Variants in PRKAG2 observed in about 807,000 individuals in gnomAD.
The protein encoded by PRKAG2 is 5'-AMP-activated protein kinase subunit gamma-2.
In PRKAG2, 26 loss-of-function variants were observed where a neutral mutation model predicts 69.6. That is an observed-to-expected ratio of 0.37 (90% CI 0.27 to 0.52). The LOEUF (loss-of-function observed/expected upper bound fraction) is 0.52, where lower values mean the gene tolerates loss of function less well. Ranked by LOEUF, PRKAG2 falls within the 20% of genes least tolerant of loss-of-function variation. The pLI, the probability that PRKAG2 is intolerant of heterozygous loss-of-function variation, is 0.90. For synonymous variants in PRKAG2, 293 were observed against 285.0 expected, an observed-to-expected ratio of 1.03 and a Z score of -0.28; for missense variants, 557 against 740.0, an observed-to-expected ratio of 0.75 and a Z score of 2.87.
At chr7:151,824,391 CAAG>C (rs2078860041) in intron 1 of PRKAG2, among the ~76,000 whole-genome samples, 1 of 152,150 alleles carries the variant, frequency 6.6e-6, no homozygotes, top group Non-Finnish European at 1.5e-5. Context: ...GTGTTAACAT[CAAG>C]GTTTGTGGAA....
chr7:151,658,955 G>A (rs1247653488), intron 4 of PRKAG2, among the ~76,000 whole-genome samples: 1 of 152,216 alleles, frequency 6.6e-6, no homozygotes, highest in Non-Finnish European at 1.5e-5. Flanking sequence ...GGAAGGGAAT[G>A]CAATATAATG....
At chr7:151,843,699 T>C (rs552216167) in intron 1 of PRKAG2, among the ~76,000 whole-genome samples, 23 of 152,378 alleles carry the variant, frequency 1.5e-4, no homozygotes, top group Middle Eastern at 3.4e-3. Context: ...AGGCTGGAAC[T>C]TGAGACCACT....
intron 5 of PRKAG2, among the ~76,000 whole-genome samples, chr7:151,598,279 G>A (rs1815119182): frequency 6.6e-6 from 1 of 152,254 alleles, no homozygotes; most frequent in South Asian, 2.1e-4. Context: ...AAAGTAGAGA[G>A]TGGTTACCAG....
chr7:151,570,179 T>C lies in PRKAG2; in HGVS notation c.1098A>G (p.Pro366=), dbSNP rs116541276. ...AAAAAAAACAAGTTTACCTTGCATC[T>C]GGAGATATATTCACTAAAGGCTTAA... ...ETFKPLVNIS[P]DASLFDAVYS... The change falls in exon 10 of 16, where the codon CCA becomes CCG. Residue 366 remains proline (P), a synonymous_variant. Coordinates refer to ENST00000287878, the MANE Select transcript of PRKAG2 (RefSeq NM_016203.4). 3.0e-4 allele frequency: 479 copies of C among 1,600,920 alleles called. 2 individuals carry two copies. In the African/African-American group the frequency reaches 5.9e-3, roughly 20 times the overall value.
At chr7:151,808,584 C>A (rs980902649) in intron 1 of PRKAG2, among the ~76,000 whole-genome samples, 9 of 140,460 alleles carry the variant, frequency 6.4e-5, no homozygotes, top group Admixed American at 1.5e-4. Context: ...GAGTCTAGTG[C>A]AGGTTGTTGG....
In PRKAG2 at chr7:151,579,778, A is replaced by G. The variant is rs114650542; in HGVS notation, c.865-3326T>C. On this transcript the variant is annotated intron_variant, in intron 6 of 15. Coordinates refer to ENST00000287878, the MANE Select transcript of PRKAG2 (RefSeq NM_016203.4). ...AAGCACGTCATAGACAAGATGCTAA[A>G]AACCAAAGGTAAAGGGAAAATCAGC... is the stretch of plus-strand genomic sequence containing the variant. 4.5e-3 allele frequency among the ~76,000 whole-genome samples: 691 copies of G among 152,320 alleles called. 2 individuals carry two copies. Among genetic ancestry groups the G allele is most frequent in the African/African-American group, 0.016 (663 of 41,568 alleles).
rs1171355040 is a variant in PRKAG2 at position 151,559,457 on chromosome 7, A to G, written c.1678+1067T>C. 3 of 985,276 alleles carry G rather than the reference A, an allele frequency of 3.0e-6. No homozygotes were observed. In the South Asian group the frequency reaches 1.4e-4, roughly 46 times the overall value. 61.0% of individuals were successfully genotyped at this position (985,276 alleles called of 1,614,324 possible). ...TTCTAGAGTTTCTGATTCAGTGGAT[A>G]TGGGACGGGGCCCCAACATGAACAT... On this transcript the variant is annotated intron_variant, in intron 15 of 15. Coordinates refer to ENST00000287878, the MANE Select transcript of PRKAG2 (RefSeq NM_016203.4).
At chr7:151,785,163 G>GA in intron 2 of PRKAG2, among the ~76,000 whole-genome samples, 1 of 152,390 alleles carries the variant, frequency 6.6e-6, no homozygotes, top group Non-Finnish European at 1.5e-5. Flanking sequence ...GCCGTCTGCG[G>GA]AGCAGAGCTC....
At position 151,777,519 on chromosome 7, in the gene PRKAG2, T is replaced by TC. The variant is rs966627582; in HGVS notation, c.466+3632dup. Among the ~76,000 whole-genome samples the TC allele has an allele frequency of 6.6e-6, 1 of 152,102 alleles. No individual in the cohort carries two copies. The highest frequency in any genetic ancestry group is 2.4e-5 in the African/African-American group (1 of 41,420). ...TGGGTGCTTTAAAGACTCCAGTACC[T>TC]CCCCCCTCTCTCTTGCTCCCTTGCG... On this transcript the variant is annotated intron_variant, in intron 3 of 15. Coordinates refer to ENST00000287878, the MANE Select transcript of PRKAG2 (RefSeq NM_016203.4). This position sits in a 1 kb window ranked among gnomAD's most constrained non-coding sequence, Gnocchi z 4.3.
chr7:151,653,213 G>A (rs1264070168), intron 4 of PRKAG2, among the ~76,000 whole-genome samples: 1 of 151,790 alleles, frequency 6.6e-6, no homozygotes, highest in East Asian at 1.9e-4. Flanking sequence ...CACATCATTA[G>A]TAGTGTTTTC....
rs1241546808 is a variant in PRKAG2, at chr7:151,759,932, A to G, written c.466+21220T>C. Among the ~76,000 whole-genome samples the G allele has an allele frequency of 2.6e-5, 4 of 152,256 alleles. No homozygotes were observed. In the East Asian group the frequency reaches 7.7e-4, roughly 29 times the overall value. ...TTGTCTTGAATGAGGGAGAGATTTA[A>G]CATCGACATTCTTCCTTCTAGTACG... On this transcript the variant is annotated intron_variant, in intron 3 of 15. Coordinates refer to ENST00000287878, the MANE Select transcript of PRKAG2 (RefSeq NM_016203.4).
At chr7:151,832,900 C>T (rs116197478) in intron 1 of PRKAG2, among the ~76,000 whole-genome samples, 2,957 of 152,268 alleles carry the variant, frequency 0.019, 121 homozygotes, top group African/African-American at 0.067. Flanking sequence ...TTGCAGGACC[C>T]GCTCCGGACT....
chr7:151,563,798 C>T (rs929112353), intron 14 of PRKAG2, among the ~76,000 whole-genome samples: 3 of 152,206 alleles, frequency 2.0e-5, no homozygotes, highest in African/African-American at 7.2e-5. Flanking sequence ...TCCACACTGT[C>T]AAACATATAT....
chr7:151,653,625 T>G (rs986252584), intron 4 of PRKAG2, among the ~76,000 whole-genome samples: 3 of 152,154 alleles, frequency 2.0e-5, no homozygotes, highest in African/African-American at 7.2e-5. Context: ...GCCGATCACC[T>G]GAGGTTAGGG....
chr7:151,773,486 A>T lies in PRKAG2; in HGVS notation c.466+7666T>A, dbSNP rs74671963. On this transcript the variant is annotated intron_variant, in intron 3 of 15. Transcript: ENST00000287878. ...TGTGTGGCCTTTGTTCCACAACTTAAGCCCTCGTGCCTCAGTTTCTAGTTT... is the reference window on the plus strand; with the variant it reads ...TGTGTGGCCTTTGTTCCACAACTTATGCCCTCGTGCCTCAGTTTCTAGTTT... Among the ~76,000 whole-genome samples the T allele has an allele frequency of 6.0e-3, 912 of 152,326 alleles. 9 individuals carry two copies. Among genetic ancestry groups the T allele is most frequent in the Non-Finnish European group, 0.011 (755 of 68,024 alleles).
Position 151,564,227 on chromosome 7 carries a change from G to A in PRKAG2, c.1438-3C>T, listed in dbSNP as rs773864390. ...TATGTTTTCTCAGCAGCAAGATTCTGTAATGAAGCAAGAGAATAAATTATA... is the reference window on the plus strand; with the variant it reads ...TATGTTTTCTCAGCAGCAAGATTCTATAATGAAGCAAGAGAATAAATTATA... On this transcript the variant is annotated splice_region_variant and splice_polypyrimidine_tract_variant and intron_variant, in intron 13 of 15. Coordinates refer to ENST00000287878, the MANE Select transcript of PRKAG2 (RefSeq NM_016203.4). The A allele has an allele frequency of 6.2e-7, 1 of 1,614,028 alleles. No individual in the cohort carries two copies. Among genetic ancestry groups the A allele is most frequent in the Admixed American group, 1.7e-5 (1 of 60,028 alleles).
chr7:151,720,282 C>T (rs7792937), intron 3 of PRKAG2, among the ~76,000 whole-genome samples: 4,835 of 152,152 alleles, frequency 0.032, 282 homozygotes, highest in African/African-American at 0.11. Flanking sequence ...CTGGGACAAG[C>T]ATTGTTGTTC....
chr7:151,754,172 G>A (rs1325733940), intron 3 of PRKAG2, among the ~76,000 whole-genome samples: 1 of 152,218 alleles, frequency 6.6e-6, no homozygotes, highest in Non-Finnish European at 1.5e-5. Flanking sequence ...AGATTCTTCC[G>A]GGAATTTTTC....
At chr7:151,864,333 G>A (rs555378738) in intron 1 of PRKAG2, among the ~76,000 whole-genome samples, 15 of 152,314 alleles carry the variant, frequency 9.8e-5, no homozygotes, top group African/African-American at 3.6e-4. Flanking sequence ...CTTCGCCACT[G>A]GCCAGCCATG....
Sources: gnomAD v4.1 joint callset for allele counts (sites outside exome capture counted in the v4.1 genomes callset) on GRCh38, gnomAD v4.1.1 for gene constraint, Gnocchi (gnomAD v3.1) non-coding constraint, MANE v1.5 for transcripts, NCBI Gene and HGNC (gene_info 2026-07-23, HGNC 2026-07-21) for gene names.